The following ARMH3 variants were observed in gnomAD, a reference collection of about 807,000 sequenced individuals.
ARMH3 encodes the protein armadillo-like helical domain-containing protein 3.
Under a neutral mutation model 99.1 loss-of-function variants are expected in ARMH3, and 60 were observed. The observed-to-expected ratio is 0.61, with a 90% CI of 0.49 to 0.75. ARMH3 has a LOEUF of 0.75. Among genes scored for constraint, ARMH3 ranks in the 30% least tolerant of loss-of-function variants. ARMH3 has a pLI of 0.00. For synonymous variants in ARMH3, 285 were observed against 292.8 expected, an observed-to-expected ratio of 0.97 and a Z score of 0.27; for missense variants, 679 against 843.1, an observed-to-expected ratio of 0.81 and a Z score of 2.41.
chr10:102,052,398 A>G (rs1410237142), intron 1 of ARMH3, among the ~76,000 whole-genome samples: 1 of 151,878 alleles, frequency 6.6e-6, no homozygotes, highest in African/African-American at 2.4e-5. Context: ...TCATTTTTGT[A>G]TTTTTTGTAG....
At chr10:101,997,688 T>C (rs1847124710) in intron 15 of ARMH3, among the ~76,000 whole-genome samples, 2 of 152,108 alleles carry the variant, frequency 1.3e-5, no homozygotes, top group South Asian at 2.1e-4. Context: ...TTTATTTAAG[T>C]TGGGTGGTAG....
chr10:101,971,073 G>C (rs1286219871), intron 20 of ARMH3, among the ~76,000 whole-genome samples: 1 of 142,442 alleles, frequency 7.0e-6, no homozygotes, highest in Non-Finnish European at 1.5e-5. Context: ...CTCCAGCCTG[G>C]GCAACAGAGT....
At chr10:101,961,500 C>A (rs1445822964) in intron 20 of ARMH3, among the ~76,000 whole-genome samples, 2 of 152,104 alleles carry the variant, frequency 1.3e-5, no homozygotes, top group Non-Finnish European at 2.9e-5. Flanking sequence ...CAATTAATAA[C>A]CAGGTTTATT....
chr10:102,014,397 A>G (rs536219785), intron 8 of ARMH3, among the ~76,000 whole-genome samples: 15 of 152,352 alleles, frequency 9.8e-5, no homozygotes, highest in African/African-American at 3.6e-4. Flanking sequence ...TACTAAGTCC[A>G]TACAGATAGC....
intron 23 of ARMH3, among the ~76,000 whole-genome samples, chr10:101,913,473 T>C (rs748227178): frequency 2.0e-5 from 3 of 150,268 alleles, no homozygotes; most frequent in Non-Finnish European, 4.4e-5. Context: ...TCAAATGATC[T>C]TCCCATCTCA....
At chr10:101,869,993 AC>A (rs750890893) in intron 24 of ARMH3, among the ~76,000 whole-genome samples, 3 of 152,256 alleles carry the variant, frequency 2.0e-5, no homozygotes, top group Non-Finnish European at 4.4e-5. Context: ...AGATTGCGCC[AC>A]TGCACTCCAG....
At chr10:102,032,608 C>A (rs1253668356) in intron 4 of ARMH3, among the ~76,000 whole-genome samples, 4 of 152,134 alleles carry the variant, frequency 2.6e-5, no homozygotes, top group Non-Finnish European at 5.9e-5. Flanking sequence ...CCATGTTGGT[C>A]AGGCTGGTCT....
At chr10:101,852,630 T>C (rs956793886) in intron 24 of ARMH3, among the ~76,000 whole-genome samples, 1 of 151,878 alleles carries the variant, frequency 6.6e-6, no homozygotes, top group South Asian at 2.1e-4. Flanking sequence ...GCACCTATAA[T>C]CCCAGCAACT....
At chr10:102,055,910 G>A (rs997161435) in intron 1 of ARMH3, among the ~76,000 whole-genome samples, 175 bp downstream of exon 1, 2 of 152,066 alleles carry the variant, frequency 1.3e-5, no homozygotes, top group Admixed American at 6.6e-5. Flanking sequence ...AGCCCTCCCC[G>A]GCATACGCAG....
chr10:101,991,196 C>T (rs1423914306), intron 18 of ARMH3, among the ~76,000 whole-genome samples: 1 of 152,156 alleles, frequency 6.6e-6, no homozygotes, highest in Non-Finnish European at 1.5e-5. Context: ...AAGAATTCAG[C>T]TAATTCCCTG....
intron 23 of ARMH3, among the ~76,000 whole-genome samples, chr10:101,911,814 T>C (rs1360008114): frequency 6.6e-6 from 1 of 151,742 alleles, no homozygotes; most frequent in Non-Finnish European, 1.5e-5. Context: ...GGCGGGTGGA[T>C]CACTTGAAGT....
chr10:102,005,775 T>C (rs567563933), intron 14 of ARMH3, among the ~76,000 whole-genome samples: 4 of 152,344 alleles, frequency 2.6e-5, no homozygotes, highest in African/African-American at 9.6e-5. Context: ...TTCTTTTCTG[T>C]TGCCTTTTTC....
At chr10:101,911,497 G>C (rs888549347) in intron 23 of ARMH3, among the ~76,000 whole-genome samples, 1 of 152,222 alleles carries the variant, frequency 6.6e-6, no homozygotes, top group African/African-American at 2.4e-5. Flanking sequence ...AGCTGCTCAG[G>C]GGACTGAGGC....
chr10:101,984,914 C>T (rs560269817), intron 19 of ARMH3, among the ~76,000 whole-genome samples: 127 of 151,880 alleles, frequency 8.4e-4, no homozygotes, highest in African/African-American at 3.0e-3. Context: ...ACCAAAAATA[C>T]AAAAATTAGC....
At chr10:101,913,469 G>C (rs1350921882) in intron 23 of ARMH3, among the ~76,000 whole-genome samples, 1 of 144,730 alleles carries the variant, frequency 6.9e-6, no homozygotes, top group Non-Finnish European at 1.5e-5. Flanking sequence ...AGGCTCAAAT[G>C]ATCTTCCCAT....
intron 11 of ARMH3, 61 bp from the exon 12 acceptor site, chr10:102,010,084 C>CT: frequency 1.3e-6 from 2 of 1,505,320 alleles, no homozygotes; most frequent in Non-Finnish European, 1.8e-6. Flanking sequence ...AGCTTTATGC[C>CT]TAGGAAGCCT....
chr10:101,950,480 A>G (rs553467067), intron 22 of ARMH3, among the ~76,000 whole-genome samples: 2 of 152,378 alleles, frequency 1.3e-5, no homozygotes, highest in South Asian at 4.1e-4. Context: ...ACATGCCCAC[A>G]CAAAAATTTG....
In ARMH3 at chr10:101,920,483, T is replaced by C. The variant is rs1452774902; in HGVS notation, c.1781+19380A>G. ...GGCTACCCTACAGAGCTTAAATGTT[T>C]TTCTGTGGTGATGAGAGGGGCCAGC... On this transcript the variant is annotated intron_variant, in intron 23 of 25. Coordinates refer to ENST00000370033, the MANE Select transcript of ARMH3 (RefSeq NM_024541.3). Among the ~76,000 whole-genome samples, 6 of 152,096 alleles carry C rather than the reference T, an allele frequency of 3.9e-5. No individual in the cohort carries two copies. The South Asian group carries it at 1.2e-3, about 32-fold the overall frequency.
intron 23 of ARMH3, among the ~76,000 whole-genome samples, chr10:101,936,281 C>A (rs1485225228): frequency 6.6e-6 from 1 of 151,946 alleles, no homozygotes; most frequent in Non-Finnish European, 1.5e-5. Flanking sequence ...ATCACGAGGT[C>A]AGGAGTTCGA....
Sources: gnomAD v4.1 joint callset for allele counts (sites outside exome capture counted in the v4.1 genomes callset) on GRCh38, gnomAD v4.1.1 for gene constraint, MANE v1.5 for transcripts, NCBI Gene and HGNC (gene_info 2026-07-23, HGNC 2026-07-21) for gene names.